The following PCBP3 variants were observed in gnomAD, a reference collection of about 807,000 sequenced individuals.
PCBP3 encodes the protein poly(rC) binding protein 3, also known as poly(rC)-binding protein 3.
In PCBP3, 25 loss-of-function variants were observed where a neutral mutation model predicts 52.7. The observed-to-expected ratio is 0.47, with a 90% CI of 0.35 to 0.66. PCBP3 has a LOEUF of 0.66. Ranked by LOEUF, PCBP3 falls within the 30% of genes least tolerant of loss-of-function variation. The probability of loss-of-function intolerance (pLI) is 0.01; values close to 1 mark genes in which losing one functional copy is unlikely to be tolerated. For synonymous variants in PCBP3, 162 were observed against 183.0 expected, an observed-to-expected ratio of 0.89 and a Z score of 0.93; for missense variants, 391 against 490.3, an observed-to-expected ratio of 0.80 and a Z score of 1.91.
At chr21:45,828,794 T>A in intron 4 of PCBP3, 1 of 152,650 alleles carries the variant, frequency 6.6e-6, no homozygotes, top group Non-Finnish European at 1.5e-5. Flanking sequence ...GAGTGGCCTC[T>A]CCGCCCCGCA....
rs116427304 is a variant in PCBP3 at position 45,739,214 on chromosome 21, C to T, written c.-162+3785C>T. On this transcript the variant is annotated intron_variant, in intron 3 of 17. Coordinates refer to ENST00000681687, the MANE Select transcript of PCBP3 (RefSeq NM_001384156.1). ...AGCCCACCCCTTCCTGCCCATTGTC[C>T]TCTGGGTGGCACCCCCCATCTTCAT... Among the ~76,000 whole-genome samples the T allele has an allele frequency of 5.9e-3, 721 of 121,724 alleles. 24 individuals carry two copies. The highest frequency in any genetic ancestry group is 0.023 in the African/African-American group (689 of 30,020). The allele number at this position is 121,724 out of a possible 152,430, so 79.9% of individuals were successfully genotyped here. A position where few individuals can be genotyped will look rare whatever the true frequency, so the allele number is the denominator to read the frequency against.
intron 11 of PCBP3, among the ~76,000 whole-genome samples, chr21:45,911,469 C>G (rs1193539249): frequency 6.6e-6 from 1 of 152,146 alleles, no homozygotes; most frequent in Non-Finnish European, 1.5e-5. Context: ...AGGCGTCAAA[C>G]CACCGTGGAG....
chr21:45,799,063 C>T (rs570968067), intron 4 of PCBP3, among the ~76,000 whole-genome samples: 3 of 144,088 alleles, frequency 2.1e-5, no homozygotes, highest in Middle Eastern at 4.0e-3. Flanking sequence ...AGGGTGAATG[C>T]GTACATGGAT....
rs373842236 is a variant in PCBP3, at chr21:45,926,444, G to A, written c.718-3473G>A. On this transcript the variant is annotated intron_variant, in intron 13 of 17. Transcript: ENST00000681687. ...AAATGTTAGCTGTAAAACAGCCTCA[G>A]GCAGGTCCCGCAGGAGGTGTCCAGA... Among the ~76,000 whole-genome samples the A allele has an allele frequency of 1.1e-3, 161 of 152,322 alleles. 2 individuals carry two copies. In the South Asian group the frequency reaches 0.033, roughly 31 times the overall value.
At chr21:45,784,609 C>T (rs551562172) in intron 4 of PCBP3, among the ~76,000 whole-genome samples, 2 of 152,322 alleles carry the variant, frequency 1.3e-5, no homozygotes, top group African/African-American at 4.8e-5. Context: ...TGCAGGCGCG[C>T]GCCGCCACGC....
At chr21:45,823,611 A>G (rs945085422) in intron 4 of PCBP3, among the ~76,000 whole-genome samples, 1 of 152,120 alleles carries the variant, frequency 6.6e-6, no homozygotes, top group East Asian at 1.9e-4. Context: ...ACTCACCCAA[A>G]GGGGTGGCCG....
At chr21:45,734,755 C>T (rs553746502) in intron 2 of PCBP3, among the ~76,000 whole-genome samples, 85 of 152,276 alleles carry the variant, frequency 5.6e-4, no homozygotes, top group Middle Eastern at 3.4e-3. Context: ...TGAACACCCT[C>T]GTCTCATATC....
At chr21:45,699,963 G>A (rs376170791) in intron 2 of PCBP3, among the ~76,000 whole-genome samples, 23 of 152,090 alleles carry the variant, frequency 1.5e-4, no homozygotes, top group African/African-American at 5.6e-4. Context: ...AACCAATCAT[G>A]CCTTCCCAAC....
At chr21:45,891,953 G>A (rs755806884) in intron 5 of PCBP3, among the ~76,000 whole-genome samples, 9 of 152,204 alleles carry the variant, frequency 5.9e-5, no homozygotes, top group Non-Finnish European at 1.3e-4. Flanking sequence ...CGTCCACACA[G>A]CCTGCCTTCC....
At chr21:45,703,996 T>C (rs1278804035) in intron 2 of PCBP3, among the ~76,000 whole-genome samples, 3 of 151,744 alleles carry the variant, frequency 2.0e-5, no homozygotes, top group East Asian at 1.9e-4. Flanking sequence ...GAGATGGAGG[T>C]TGCGAGTGGT....
At chr21:45,677,982 A>G (rs1603242632) in intron 2 of PCBP3, among the ~76,000 whole-genome samples, 1 of 152,190 alleles carries the variant, frequency 6.6e-6, no homozygotes, top group East Asian at 1.9e-4. Flanking sequence ...GCCCATTAAC[A>G]CCGCATCCAT....
intron 10 of PCBP3, 55 bp downstream of exon 10, chr21:45,909,541 T>A: frequency 1.9e-6 from 3 of 1,579,234 alleles, no homozygotes; most frequent in Non-Finnish European, 2.6e-6. Context: ...GGGCTGCGGG[T>A]GGTGGCCACA....
intron 13 of PCBP3, chr21:45,918,637 T>A (rs2073919102): frequency 1.3e-5 from 2 of 149,944 alleles, no homozygotes; most frequent in Admixed American, 1.3e-4. Flanking sequence ...ATTCCAGTGC[T>A]GGGGGAAGAA....
At chr21:45,834,390 A>G (rs2093530708) in intron 4 of PCBP3, among the ~76,000 whole-genome samples, 1 of 152,214 alleles carries the variant, frequency 6.6e-6, no homozygotes, top group African/African-American at 2.4e-5. Context: ...ATTTGTGATT[A>G]GCTAGGATGT....
chr21:45,666,001 A>G (rs929978508), intron 1 of PCBP3, among the ~76,000 whole-genome samples: 2 of 152,224 alleles, frequency 1.3e-5, no homozygotes, highest in African/African-American at 4.8e-5. Context: ...TACCACATAA[A>G]CAGAATTAAA....
chr21:45,743,867 A>C (rs996400169), intron 3 of PCBP3, among the ~76,000 whole-genome samples: 1 of 152,152 alleles, frequency 6.6e-6, no homozygotes, highest in Non-Finnish European at 1.5e-5. Flanking sequence ...TTAAATAACA[A>C]ATTTTTCTGT....
chr21:45,866,536 C>T lies in PCBP3; in HGVS notation c.10+16441C>T, dbSNP rs568557979. On this transcript the variant is annotated intron_variant, in intron 5 of 17. Transcript: ENST00000681687. Reference sequence around the variant, plus strand: ...GGTGGGAGGGACGTTGTGGCAGAGGCTGTGAGGCCTCCAGGGGCTCAGGAG... The same window carrying T: ...GGTGGGAGGGACGTTGTGGCAGAGGTTGTGAGGCCTCCAGGGGCTCAGGAG... Among the ~76,000 whole-genome samples the T allele has an allele frequency of 8.5e-5, 13 of 152,268 alleles. No homozygotes were observed. The East Asian group carries it at 2.1e-3, about 25-fold the overall frequency.
intron 6 of PCBP3, among the ~76,000 whole-genome samples, chr21:45,899,118 G>T (rs930411068): frequency 6.6e-6 from 1 of 152,258 alleles, no homozygotes; most frequent in East Asian, 1.9e-4. Flanking sequence ...CCTTGGGCTC[G>T]CCATCAGAAC....
At chr21:45,703,226 A>G (rs1381511734) in intron 2 of PCBP3, among the ~76,000 whole-genome samples, 2 of 152,246 alleles carry the variant, frequency 1.3e-5, no homozygotes, top group Admixed American at 6.5e-5. Context: ...ATGAGTCACA[A>G]ATGTTCTTAA....
Sources: allele counts gnomAD v4.1 joint callset (sites outside exome capture counted in the v4.1 genomes callset), GRCh38; gene constraint gnomAD v4.1.1; transcripts MANE v1.5; gene names NCBI Gene and HGNC (gene_info 2026-07-23, HGNC 2026-07-21).